The following CUBN variants were observed in gnomAD, a reference collection of about 807,000 sequenced individuals.
CUBN encodes cubilin.
CUBN carries 282 observed loss-of-function variants against 405.3 expected under a neutral mutation model. The ratio of observed to expected loss-of-function variants is 0.70; its 90% CI spans 0.63 to 0.77. The LOEUF is 0.77. Among genes scored for constraint, CUBN ranks in the 30% least tolerant of loss-of-function variants. CUBN has a pLI of 0.00. For synonymous variants in CUBN, 1,684 were observed against 1,617.0 expected (o/e 1.04, Z -0.99); for missense variants, 4,514 against 4,475.2 (o/e 1.01, Z -0.25).
intron 39 of CUBN, among the ~76,000 whole-genome samples, chr10:16,934,451 A>G (rs1842444372): frequency 6.6e-6 from 1 of 152,206 alleles, no homozygotes; most frequent in Non-Finnish European, 1.5e-5. Flanking sequence ...TTACCCTATT[A>G]CTATGTAGGC....
At chr10:16,840,629 G>T in intron 61 of CUBN, 94 bp from the exon 62 acceptor site, 1 of 1,065,904 alleles carries the variant, frequency 9.4e-7, no homozygotes, top group Non-Finnish European at 1.4e-6. Context: ...CTCCCACCCC[G>T]GAGGAGCTAT....
intron 10 of CUBN, among the ~76,000 whole-genome samples, chr10:17,107,733 G>A (rs1216291602): frequency 8.6e-5 from 13 of 151,912 alleles, no homozygotes. Context: ...TCCTGACCTC[G>A]TGATCCACCT....
chr10:17,038,651 C>T (rs536932145), intron 27 of CUBN, among the ~76,000 whole-genome samples: 4 of 152,270 alleles, frequency 2.6e-5, no homozygotes, highest in Middle Eastern at 3.4e-3. Context: ...AACCCAGAAG[C>T]GATTAAAATA....
chr10:17,061,083 CA>C (rs112976218), intron 22 of CUBN, among the ~76,000 whole-genome samples: 8 of 151,534 alleles, frequency 5.3e-5, no homozygotes, highest in South Asian at 2.1e-4. Context: ...AAAACAACAA[CA>C]AAAAAAACCC....
rs111747922 is a variant in CUBN at position 16,907,746 on chromosome 10, T to C, written c.7534-67A>G. The C allele has an allele frequency of 2.8e-5, 43 of 1,550,464 alleles. 1 individual carries two copies. In the African/African-American group the frequency reaches 3.3e-4, roughly 12 times the overall value. On this transcript the variant is annotated intron_variant, in intron 48 of 66. Transcript: ENST00000377833. ...TTACTGCATATTTCCTAGGAGGTGA[T>C]ATTTCCAGCCCAGACCCACTTCCTT...
chr10:16,999,239 A>T (rs913012272), intron 28 of CUBN, among the ~76,000 whole-genome samples: 274 of 152,292 alleles, frequency 1.8e-3, no homozygotes, highest in African/African-American at 6.4e-3. Context: ...CTAAATACTG[A>T]TGTGTTTCCC....
At chr10:16,986,786 T>C (rs1833440079) in intron 29 of CUBN, among the ~76,000 whole-genome samples, 1 of 152,150 alleles carries the variant, frequency 6.6e-6, no homozygotes, top group Non-Finnish European at 1.5e-5. Context: ...AGCATGAAAC[T>C]GACAGCATGT....
At chr10:16,904,172 C>T in intron 50 of CUBN, 57 bp from the exon 51 acceptor site, 2 of 1,530,886 alleles carry the variant, frequency 1.3e-6, no homozygotes, top group Non-Finnish European at 1.8e-6. Context: ...GAAATACATT[C>T]AATGAATTTG....
At chr10:16,956,003 A>G (rs1843052315) in intron 31 of CUBN, among the ~76,000 whole-genome samples, 1 of 150,776 alleles carries the variant, frequency 6.6e-6, no homozygotes, top group African/African-American at 2.5e-5. Context: ...TTTATATTTC[A>G]TAAGAAAATC....
rs142977284 is a variant in CUBN, at chr10:16,848,788, A to G, written c.9663+2447T>C. ...GCAATCACGACTGACTGCAGCTTAT[A>G]CCTTCTGGGTTCAGGGGATCCTTCC... On this transcript the variant is annotated intron_variant, in intron 60 of 66. Transcript: ENST00000377833. Among the ~76,000 whole-genome samples the G allele has an allele frequency of 1.5e-3, 205 of 133,314 alleles. 1 individual carries two copies. Among genetic ancestry groups the G allele is most frequent in the African/African-American group, 5.4e-3 (196 of 36,242 alleles). The allele number at this position is 133,314 out of a possible 152,430, so 87.5% of individuals were successfully genotyped here.
Position 17,084,296 on chromosome 10 carries a change from CT to C in CUBN, c.2275del (p.Ser759ValfsTer42). 6.2e-7 allele frequency: 1 copy of C among 1,614,102 alleles called. No homozygotes were observed. Among genetic ancestry groups the C allele is most frequent in the Non-Finnish European group, 8.5e-7 (1 of 1,180,024 alleles). ...CTCAATGTAATTCTGAGAACTGTCA[CT>C]CTGGCATTGCAGCTCCACGTGGGTG... is the stretch of plus-strand genomic sequence containing the variant. ...NFTHVELQCQ[S>X]DSSQNYIEVR... On this transcript the variant is annotated frameshift_variant, in exon 17 of 67. Coordinates refer to ENST00000377833, the MANE Select transcript of CUBN (RefSeq NM_001081.4). LOFTEE classifies it high-confidence loss of function.
At chr10:16,883,554 T>G (rs1840722920) in intron 56 of CUBN, among the ~76,000 whole-genome samples, 1 of 152,186 alleles carries the variant, frequency 6.6e-6, no homozygotes, top group East Asian at 1.9e-4. Context: ...TAAAGAAAAC[T>G]GACAAAGCTC....
intron 56 of CUBN, among the ~76,000 whole-genome samples, chr10:16,879,083 G>A (rs1187374494): frequency 6.6e-6 from 1 of 152,114 alleles, no homozygotes; most frequent in Non-Finnish European, 1.5e-5. Flanking sequence ...ATATAAATGG[G>A]AGTGAAATTA....
intron 35 of CUBN, 144 bp from the exon 36 acceptor site, chr10:16,947,511 T>C (rs1359595473): frequency 3.1e-6 from 3 of 957,010 alleles, no homozygotes; most frequent in Non-Finnish European, 4.8e-6. Flanking sequence ...ATTCATGTCA[T>C]ATAAAATAAG....
intron 14 of CUBN, among the ~76,000 whole-genome samples, chr10:17,098,936 G>T (rs4748352): frequency 0.79 from 119,872 of 152,098 alleles, 48,157 homozygotes; most frequent in Non-Finnish European, 0.89. Context: ...AATAGTTTAT[G>T]TTCATGCATT....
At chr10:16,987,311 C>T (rs1290553627) in intron 29 of CUBN, among the ~76,000 whole-genome samples, 2 of 152,176 alleles carry the variant, frequency 1.3e-5, no homozygotes, top group South Asian at 2.1e-4. Context: ...CATTCAACTA[C>T]AGCATATGAC....
At chr10:16,924,625 C>T (rs1264795923) in intron 43 of CUBN, among the ~76,000 whole-genome samples, 1 of 151,978 alleles carries the variant, frequency 6.6e-6, no homozygotes, top group African/African-American at 2.4e-5. Context: ...ACTGACATTA[C>T]TCCCTTTTTT....
At chr10:16,942,747 A>G (rs1842683192) in intron 36 of CUBN, among the ~76,000 whole-genome samples, 1 of 151,464 alleles carries the variant, frequency 6.6e-6, no homozygotes, top group African/African-American at 2.4e-5. Flanking sequence ...ATGAAATGAA[A>G]GCATGAACAA....
At chr10:17,101,420 G>A (rs145605260) in intron 13 of CUBN, among the ~76,000 whole-genome samples, 41 of 152,100 alleles carry the variant, frequency 2.7e-4, no homozygotes, top group African/African-American at 9.2e-4. Context: ...AATTCACATA[G>A]CATACCCACT....
Sources: allele counts gnomAD v4.1 joint callset (sites outside exome capture counted in the v4.1 genomes callset), GRCh38; gene constraint gnomAD v4.1.1; transcripts MANE v1.5; gene names NCBI Gene and HGNC (gene_info 2026-07-23, HGNC 2026-07-21).